CACNA2D3: variants seen among roughly 807,000 people sequenced by gnomAD.
CACNA2D3 encodes voltage-dependent calcium channel subunit alpha-2/delta-3.
In CACNA2D3, 60 loss-of-function variants were observed where a neutral mutation model predicts 160.6. The observed-to-expected ratio is 0.37, with a 90% CI of 0.30 to 0.46. The LOEUF is 0.46. Ranked by LOEUF, CACNA2D3 falls within the 20% of genes least tolerant of loss-of-function variation. The probability of loss-of-function intolerance (pLI) is 1.00; values close to 1 mark genes in which losing one functional copy is unlikely to be tolerated. For missense variants in CACNA2D3, 1,205 were observed against 1,365.0 expected, an observed-to-expected ratio of 0.88 and a Z score of 1.85; for synonymous variants, 558 against 492.9, an observed-to-expected ratio of 1.13 and a Z score of -1.75.
intron 35 of CACNA2D3, among the ~76,000 whole-genome samples, chr3:55,036,612 C>T (rs1231189210): frequency 6.6e-6 from 1 of 151,726 alleles, no homozygotes; most frequent in Non-Finnish European, 1.5e-5. Flanking sequence ...GGATTACAGG[C>T]GTGTGCCACC....
chr3:54,215,410 A>G (rs1701442772), intron 2 of CACNA2D3, among the ~76,000 whole-genome samples: 2 of 152,238 alleles, frequency 1.3e-5, no homozygotes, highest in Admixed American at 1.3e-4. Context: ...TATAGCAGCT[A>G]TTCTGTGCAA....
rs139217275 is a variant in CACNA2D3 at position 54,908,445 on chromosome 3, G to A, written c.2449+8577G>A. ...TAAATACCTTGTCAGGCCGGGTGTG[G>A]TGGCTCATGCCTGTAATCCCAATGC... On this transcript the variant is annotated intron_variant, in intron 27 of 37. Coordinates refer to ENST00000474759, the MANE Select transcript of CACNA2D3 (RefSeq NM_018398.3). Among the ~76,000 whole-genome samples, 357 of 152,340 alleles carry A rather than the reference G, an allele frequency of 2.3e-3. 2 individuals are homozygous for A. In the Middle Eastern group the frequency reaches 0.024, roughly 10 times the overall value.
At chr3:55,029,215 A>G (rs1287516812) in intron 35 of CACNA2D3, among the ~76,000 whole-genome samples, 1 of 152,160 alleles carries the variant, frequency 6.6e-6, no homozygotes, top group Non-Finnish European at 1.5e-5. Flanking sequence ...AAAGGCTAAG[A>G]AGGTGGCCTC....
At chr3:54,631,637 C>T (rs1464436236) in intron 10 of CACNA2D3, among the ~76,000 whole-genome samples, 3 of 152,190 alleles carry the variant, frequency 2.0e-5, no homozygotes, top group African/African-American at 7.2e-5. Context: ...TTCTGTTTTA[C>T]AGTTACCTGC....
At chr3:54,132,951 T>A (rs1055996395) in intron 2 of CACNA2D3, among the ~76,000 whole-genome samples, 1 of 152,156 alleles carries the variant, frequency 6.6e-6, no homozygotes, top group African/African-American at 2.4e-5. Flanking sequence ...TGCTTGGCAA[T>A]AAGTGACTCA....
intron 4 of CACNA2D3, among the ~76,000 whole-genome samples, chr3:54,431,067 G>A (rs113507990): frequency 0.03 from 4,522 of 152,156 alleles, 225 homozygotes; most frequent in African/African-American, 0.1. Flanking sequence ...GGCCTGGTGC[G>A]GTGGCTCACG....
chr3:54,869,325 C>A (rs1243586880), intron 17 of CACNA2D3, among the ~76,000 whole-genome samples: 1 of 152,096 alleles, frequency 6.6e-6, no homozygotes, highest in Non-Finnish European at 1.5e-5. Context: ...AACCTGTTTT[C>A]CCAAATGCAT....
At chr3:54,283,966 G>T (rs183248230) in intron 2 of CACNA2D3, among the ~76,000 whole-genome samples, 1 of 152,116 alleles carries the variant, frequency 6.6e-6, no homozygotes, top group Non-Finnish European at 1.5e-5. Context: ...GGAGGCTGAG[G>T]CACGGGAATT....
chr3:55,056,748 A>C (rs1704370404), intron 35 of CACNA2D3, among the ~76,000 whole-genome samples: 1 of 152,220 alleles, frequency 6.6e-6, no homozygotes, highest in African/African-American at 2.4e-5. Flanking sequence ...GTGGAATCTG[A>C]AACAACTGAA....
At chr3:54,449,516 C>A (rs549922914) in intron 4 of CACNA2D3, among the ~76,000 whole-genome samples, 1 of 152,328 alleles carries the variant, frequency 6.6e-6, no homozygotes, top group Non-Finnish European at 1.5e-5. Context: ...TGGTTTGGAT[C>A]TGTGTTCCCA....
intron 9 of CACNA2D3, among the ~76,000 whole-genome samples, chr3:54,590,241 T>C (rs149012141): frequency 6.6e-6 from 1 of 152,088 alleles, no homozygotes; most frequent in Non-Finnish European, 1.5e-5. Flanking sequence ...ACAACAGCAA[T>C]CTATTGATAG....
intron 18 of CACNA2D3, among the ~76,000 whole-genome samples, chr3:54,872,458 CT>C (rs1699557463): frequency 6.6e-6 from 1 of 152,110 alleles, no homozygotes; most frequent in Admixed American, 6.6e-5. Context: ...GTCTAGGGTC[CT>C]TTCTTAAGTT....
chr3:54,274,100 T>C (rs1237872669), intron 2 of CACNA2D3, among the ~76,000 whole-genome samples: 2 of 152,148 alleles, frequency 1.3e-5, no homozygotes, highest in African/African-American at 4.8e-5. Flanking sequence ...CCTTCTCTTA[T>C]GACTCTAACA....
chr3:54,820,395 C>T (rs1007582790), intron 14 of CACNA2D3, among the ~76,000 whole-genome samples: 1 of 152,116 alleles, frequency 6.6e-6, no homozygotes, highest in Non-Finnish European at 1.5e-5. Context: ...TCTTCCAAAA[C>T]TTCTAGTCCT....
At chr3:54,809,329 TGAGACGGAG>T (rs1703229459) in intron 13 of CACNA2D3, among the ~76,000 whole-genome samples, 1 of 123,918 alleles carries the variant, frequency 8.1e-6, no homozygotes, top group African/African-American at 3.5e-5. Context: ...TTTTTTTTTT[TGAGACGGAG>T]TCTCGCTCTG....
chr3:54,141,219 A>T (rs1204261422), intron 2 of CACNA2D3, among the ~76,000 whole-genome samples: 2 of 151,932 alleles, frequency 1.3e-5, no homozygotes, highest in Non-Finnish European at 2.9e-5. Flanking sequence ...TGGGGGAAAA[A>T]ATTCCCTAAA....
chr3:54,643,115 G>A, intron 11 of CACNA2D3, among the ~76,000 whole-genome samples: 1 of 53,752 alleles, frequency 1.9e-5, no homozygotes, highest in East Asian at 2.8e-4. Flanking sequence ...TGTGCCAGTA[G>A]TGTTATCCTG....
chr3:54,482,155 C>T (rs796469761), intron 4 of CACNA2D3, among the ~76,000 whole-genome samples: 1 of 152,096 alleles, frequency 6.6e-6, no homozygotes, highest in Admixed American at 6.5e-5. Flanking sequence ...ATGTCATAAC[C>T]GAAACTGATA....
intron 10 of CACNA2D3, among the ~76,000 whole-genome samples, chr3:54,630,671 A>G (rs1699216444): frequency 6.6e-6 from 1 of 152,168 alleles, no homozygotes; most frequent in African/African-American, 2.4e-5. Flanking sequence ...TTTGGGGCAT[A>G]ATATTGTATG....
Sources: gnomAD v4.1 joint callset for allele counts (sites outside exome capture counted in the v4.1 genomes callset) on GRCh38, gnomAD v4.1.1 for gene constraint, MANE v1.5 for transcripts, NCBI Gene and HGNC (gene_info 2026-07-23, HGNC 2026-07-21) for gene names.